SLCO4A1: variants seen among roughly 807,000 people sequenced by gnomAD.
SLCO4A1 encodes solute carrier organic anion transporter family member 4A1, also known as colon organic anion transporter.
SLCO4A1 carries 51 observed loss-of-function variants against 64.6 expected under a neutral mutation model. The observed-to-expected ratio is 0.79, with a 90% CI of 0.63 to 1.00. The LOEUF is 1.00. Ranked by LOEUF, SLCO4A1 falls within the 50% of genes least tolerant of loss-of-function variation. SLCO4A1 has a pLI of 0.00. For synonymous variants in SLCO4A1, 471 were observed against 444.9 expected, an observed-to-expected ratio of 1.06 and a Z score of -0.74; for missense variants, 919 against 980.5, an observed-to-expected ratio of 0.94 and a Z score of 0.84.
chr20:62,660,919 C>CGGGGCTGCG, intron 4 of SLCO4A1, 145 bp from the exon 5 acceptor site: 4 of 633,634 alleles, frequency 6.3e-6, no homozygotes, highest in South Asian at 5.7e-5. Flanking sequence ...GCCGCCTCCC[C>CGGGGCTGCG]GGGGCTGCGA....
intron 3 of SLCO4A1, 123 bp downstream of exon 3, chr20:62,658,890 C>T (rs80164088): frequency 0.017 from 13,589 of 812,956 alleles, 421 homozygotes; most frequent in African/African-American, 0.11. Flanking sequence ...GGGCACCCCC[C>T]GGGCTGGAGG....
chr20:62,653,676 C>T lies in SLCO4A1; in HGVS notation c.-96-2683C>T, dbSNP rs550149710. Among the ~76,000 whole-genome samples the T allele has an allele frequency of 5.9e-5, 9 of 152,328 alleles. No individual in the cohort carries two copies. In the East Asian group the frequency reaches 1.7e-3, roughly 29 times the overall value. ...TCAACCCCAAGGTCATCTCTCTGGG[C>T]CCTCCTCAGGCCTCTGTCATCTCCC... On this transcript the variant is annotated intron_variant, in intron 1 of 11. Coordinates refer to ENST00000217159, the MANE Select transcript of SLCO4A1 (RefSeq NM_016354.4).
At chr20:62,674,966 T>C (rs1987519249), downstream of SLCO4A1, among the ~76,000 whole-genome samples, 1 of 152,126 alleles carries the variant, frequency 6.6e-6, no homozygotes, top group Non-Finnish European at 1.5e-5. Context: ...CAAGCTATGG[T>C]TCTGTGATGG....
chr20:62,679,288 G>A (rs1301249246), intron 2 of SLCO4A1, among the ~76,000 whole-genome samples: 1 of 152,138 alleles, frequency 6.6e-6, no homozygotes, highest in African/African-American at 2.4e-5. Context: ...ACGTGGTTCT[G>A]GGTCATGAAG....
At chr20:62,664,852 C>G in intron 5 of SLCO4A1, 82 bp from the exon 6 acceptor site, 5 of 1,356,520 alleles carry the variant, frequency 3.7e-6, no homozygotes, top group Non-Finnish European at 3.0e-6. Context: ...ACCACTCTGA[C>G]CCTCAGTCTC....
At position 62,671,739 on chromosome 20, in the gene SLCO4A1, T is replaced by C. The variant is rs1987248751; in HGVS notation, c.2026-11T>C. On this transcript the variant is annotated splice_polypyrimidine_tract_variant and intron_variant, in intron 11 of 11. Coordinates refer to ENST00000217159, the MANE Select transcript of SLCO4A1 (RefSeq NM_016354.4). Reference sequence around the variant, plus strand: ...CTCCCCACGAGGTCCAGCGGGCTCCTCTCTCCCCAGGTGCTGGGCGTCCTC... The same window carrying C: ...CTCCCCACGAGGTCCAGCGGGCTCCCCTCTCCCCAGGTGCTGGGCGTCCTC... 1.9e-6 allele frequency: 3 copies of C among 1,610,720 alleles called. No individual in the cohort carries two copies. The highest frequency in any genetic ancestry group is 1.3e-5 in the African/African-American group (1 of 74,846).
intron 2 of SLCO4A1, among the ~76,000 whole-genome samples, chr20:62,683,041 C>G (rs1183146501): frequency 1.3e-5 from 2 of 152,206 alleles, no homozygotes; most frequent in African/African-American, 2.4e-5. Context: ...CTCTCAGTGT[C>G]AGCTCTTTGG....
intron 2 of SLCO4A1, among the ~76,000 whole-genome samples, chr20:62,683,801 C>G (rs1026324656): frequency 4.6e-5 from 7 of 152,232 alleles, no homozygotes; most frequent in Non-Finnish European, 7.3e-5. Context: ...TCTCAAAACT[C>G]TCTCCATCAG....
chr20:62,646,135 T>C (rs1326747412), intron 1 of SLCO4A1, among the ~76,000 whole-genome samples: 2 of 152,128 alleles, frequency 1.3e-5, no homozygotes, highest in Admixed American at 1.3e-4. Flanking sequence ...GGGTCTTGTC[T>C]CTCCCACACA....
chr20:62,646,893 G>C (rs919528017), intron 1 of SLCO4A1, among the ~76,000 whole-genome samples: 1 of 152,224 alleles, frequency 6.6e-6, no homozygotes, highest in Non-Finnish European at 1.5e-5. Context: ...ACACACCCGT[G>C]GCTTCACCCG....
chr20:62,681,567 C>T (rs1331479117), intron 2 of SLCO4A1, among the ~76,000 whole-genome samples: 1 of 151,430 alleles, frequency 6.6e-6, no homozygotes, highest in Non-Finnish European at 1.5e-5. Context: ...TGTACACACT[C>T]GTGTGTGTGT....
At chr20:62,676,355 G>A (rs780896716), downstream of SLCO4A1, among the ~76,000 whole-genome samples, 7 of 152,214 alleles carry the variant, frequency 4.6e-5, no homozygotes, top group Non-Finnish European at 1.0e-4. Flanking sequence ...GGGAGGTCAA[G>A]GCTGTCGTGA....
chr20:62,658,580 G>T (rs948035770), intron 2 of SLCO4A1, 97 bp from the exon 3 acceptor site: 1 of 894,248 alleles, frequency 1.1e-6, no homozygotes, highest in Admixed American at 2.2e-5. Flanking sequence ...ATGCAGAATG[G>T]CGGGTGCGGG....
chr20:62,649,187 A>G (rs1000692553), intron 1 of SLCO4A1: 16 of 152,386 alleles, frequency 1.0e-4, no homozygotes, highest in African/African-American at 3.8e-4. Context: ...TCCAGCCTGA[A>G]GGCTGAAGAC....
At chr20:62,688,259 C>G (rs193103023), downstream of SLCO4A1, among the ~76,000 whole-genome samples, 10 of 152,174 alleles carry the variant, frequency 6.6e-5, no homozygotes, top group Non-Finnish European at 1.3e-4. Flanking sequence ...GGGGTCCCTA[C>G]GAGAACACCT....
rs1193839112 is a variant in SLCO4A1 at position 62,645,044 on chromosome 20, G to T, written c.-97+2491G>T. 6.6e-6 allele frequency among the ~76,000 whole-genome samples: 1 copy of T among 152,246 alleles called. No individual in the cohort carries two copies. Among genetic ancestry groups the T allele is most frequent in the Non-Finnish European group, 1.5e-5 (1 of 68,040 alleles). On this transcript the variant is annotated intron_variant, in intron 1 of 11. Transcript: ENST00000217159. The surrounding 1 kb of genome is among the most constrained non-coding windows in gnomAD (Gnocchi z 4.2). ...GCAAGGTGCACACTGTTGGCTTTTG[G>T]ACAAGGACATGGGACAGTCCTCAGA... is the stretch of plus-strand genomic sequence containing the variant.
rs1569127900 is a variant in SLCO4A1 at position 62,656,591 on chromosome 20, CCGCTG to C, written c.139_143del (p.Ala47ProfsTer2). ...CCCCTGAGCCCCGGCTCCCTCCGCT[CCGCTG>C]CCCATAGCCCCCTGGACACCAGCAA... On this transcript the variant is annotated frameshift_variant, in exon 2 of 12. Coordinates refer to ENST00000217159, the MANE Select transcript of SLCO4A1 (RefSeq NM_016354.4). LOFTEE classifies it high-confidence loss of function. 6.3e-7 allele frequency: 1 copy of C among 1,595,648 alleles called. No homozygotes were observed. The highest frequency in any genetic ancestry group is 8.5e-7 in the Non-Finnish European group (1 of 1,173,960).
intron 1 of SLCO4A1, among the ~76,000 whole-genome samples, chr20:62,652,632 T>C (rs1167593383): frequency 1.3e-5 from 2 of 152,228 alleles, no homozygotes; most frequent in Non-Finnish European, 2.9e-5. Flanking sequence ...GCATTGCTCT[T>C]ACAATATGAA....
At chr20:62,683,314 G>A (rs1987918313) in intron 2 of SLCO4A1, among the ~76,000 whole-genome samples, 1 of 152,202 alleles carries the variant, frequency 6.6e-6, no homozygotes, top group East Asian at 1.9e-4. Context: ...CTCAGACCCA[G>A]CACTTCTCCT....
Sources: gnomAD v4.1 joint callset for allele counts (sites outside exome capture counted in the v4.1 genomes callset) on GRCh38, gnomAD v4.1.1 for gene constraint, Gnocchi (gnomAD v3.1) non-coding constraint, MANE v1.5 for transcripts, NCBI Gene and HGNC (gene_info 2026-07-23, HGNC 2026-07-21) for gene names.